FAM186A: variants seen among roughly 807,000 people sequenced by gnomAD.
FAM186A encodes family with sequence similarity 186 member A, also known as protein FAM186A.
Under a neutral mutation model 216.8 loss-of-function variants are expected in FAM186A, and 163 were observed. That is an observed-to-expected ratio of 0.75 (90% CI 0.66 to 0.86). The LOEUF is 0.86. Ranked by LOEUF, FAM186A falls within the 40% of genes least tolerant of loss-of-function variation. FAM186A has a pLI of 0.00. For synonymous variants in FAM186A, 805 were observed against 1,025.3 expected, an observed-to-expected ratio of 0.79 and a Z score of 4.10; for missense variants, 2,184 against 2,746.2, an observed-to-expected ratio of 0.80 and a Z score of 4.58.
At chr12:50,338,649 A>C (rs575788982) in intron 4 of FAM186A, among the ~76,000 whole-genome samples, 34 of 152,328 alleles carry the variant, frequency 2.2e-4, no homozygotes, top group South Asian at 1.7e-3. Context: ...AAATATAAAA[A>C]CCATTACAGT....
intron 1 of FAM186A, among the ~76,000 whole-genome samples, chr12:50,388,824 G>A (rs1009591396): frequency 6.6e-6 from 1 of 151,996 alleles, no homozygotes; most frequent in African/African-American, 2.4e-5. Context: ...AGGTCGAAGC[G>A]AGCAGATCAC....
At chr12:50,333,781 T>C in intron 5 of FAM186A, 130 bp downstream of exon 5, 5 of 868,998 alleles carry the variant, frequency 5.8e-6, no homozygotes, top group Non-Finnish European at 8.6e-6. Context: ...GCTATGAAGT[T>C]TGTGGTAATT....
In FAM186A at chr12:50,336,707, TG is replaced by T. The variant is rs1275434779; in HGVS notation, c.6504-2605del. Among the ~76,000 whole-genome samples the T allele has an allele frequency of 3.3e-5, 5 of 152,202 alleles. No homozygotes were observed. The South Asian group carries it at 6.2e-4, about 19-fold the overall frequency. On this transcript the variant is annotated intron_variant, in intron 4 of 7. Transcript: ENST00000327337. ...TATATTTTGAGAGTGATGAGTAGTC[TG>T]GGGTTTTTGACCACAGATATGTGAA... is the stretch of plus-strand genomic sequence containing the variant.
chr12:50,332,182 T>C (rs7310541), intron 5 of FAM186A, among the ~76,000 whole-genome samples: 61,219 of 152,148 alleles, frequency 0.4, 13,867 homozygotes, highest in African/African-American at 0.61. Flanking sequence ...TAAATTGTGA[T>C]GCAGTATGCA....
intron 7 of FAM186A, 71 bp downstream of exon 7, chr12:50,330,502 G>A: frequency 6.8e-7 from 1 of 1,479,118 alleles, no homozygotes; most frequent in Non-Finnish European, 9.1e-7. Context: ...ACAGGAGAAA[G>A]TCAAGTTAGG....
At chr12:50,382,917 A>T (rs1440252031) in intron 1 of FAM186A, among the ~76,000 whole-genome samples, 1 of 152,036 alleles carries the variant, frequency 6.6e-6, no homozygotes, top group African/African-American at 2.4e-5. Flanking sequence ...AAGACTGCTG[A>T]GGAGTTATTT....
chr12:50,372,020 C>A (rs939089750), intron 1 of FAM186A, among the ~76,000 whole-genome samples: 1 of 151,956 alleles, frequency 6.6e-6, no homozygotes, highest in Admixed American at 6.6e-5. Context: ...CCATGTTGGT[C>A]AGGCTGGTCT....
In FAM186A at chr12:50,346,232, A is replaced by G. The variant is rs918009811; in HGVS notation, c.6503+4097T>C. 4.8e-3 allele frequency among the ~76,000 whole-genome samples: 650 copies of G among 135,132 alleles called. 25 individuals are homozygous for G. Among genetic ancestry groups the G allele is most frequent in the Non-Finnish European group, 7.7e-3 (479 of 62,512 alleles). 88.7% of individuals were successfully genotyped at this position (135,132 alleles called of 152,430 possible). On this transcript the variant is annotated intron_variant, in intron 4 of 7. Coordinates refer to ENST00000327337, the MANE Select transcript of FAM186A (RefSeq NM_001145475.3). ...GAGAGAGAGAGAAGGAAAGAAAGAAAGAAAAAAAGAAAGAAAGAAAGAAAG... is the reference window on the plus strand; with the variant it reads ...GAGAGAGAGAGAAGGAAAGAAAGAAGGAAAAAAAGAAAGAAAGAAAGAAAG...
intron 4 of FAM186A, among the ~76,000 whole-genome samples, chr12:50,338,515 A>C (rs1942733130): frequency 6.6e-6 from 1 of 152,184 alleles, no homozygotes; most frequent in Non-Finnish European, 1.5e-5. Context: ...CCATTATTTG[A>C]AGTAAATATT....
chr12:50,396,592 G>C lies in FAM186A; in HGVS notation c.-108C>G. 2.7e-6 allele frequency: 3 copies of C among 1,124,224 alleles called. No homozygotes were observed. Among genetic ancestry groups the C allele is most frequent in the Non-Finnish European group, 3.7e-6 (3 of 808,072 alleles). The allele number at this position is 1,124,224 out of a possible 1,614,324, so 69.6% of individuals were successfully genotyped here. A position where few individuals can be genotyped will look rare whatever the true frequency, so the allele number is the denominator to read the frequency against. ...CTAGGAGAGGTCTTTCCTGATCCTA[G>C]AAGTTGTGGCATACTCTGCTACTAA... On this transcript the variant is annotated 5_prime_UTR_variant, in exon 1 of 8. Transcript: ENST00000327337.
intron 4 of FAM186A, among the ~76,000 whole-genome samples, chr12:50,342,821 C>T (rs539539107): frequency 3.3e-5 from 5 of 151,118 alleles, no homozygotes; most frequent in African/African-American, 1.2e-4. Context: ...GGGTGGAGTG[C>T]AGTGGCACAA....
In FAM186A at chr12:50,334,007, G is replaced by A. The variant is rs1008240433; in HGVS notation, c.6600C>T (p.Tyr2200=). Residue 2200 remains tyrosine (Y), a synonymous_variant, in exon 5 of 8, where the codon TAC becomes TAT. Coordinates refer to ENST00000327337, the MANE Select transcript of FAM186A (RefSeq NM_001145475.3). ...LHMMLSRLDD[Y]GKKVMQVWTE... is the part of the protein sequence containing the mutation. ...TCCAGACCTGCATCACCTTTTTCCCGTAGTCATCAAGTCTGCTCAGCATCA... is the reference window on the plus strand; with the variant it reads ...TCCAGACCTGCATCACCTTTTTCCCATAGTCATCAAGTCTGCTCAGCATCA... The A allele has an allele frequency of 1.7e-5, 26 of 1,551,446 alleles. No homozygotes were observed. Among genetic ancestry groups the A allele is most frequent in the African/African-American group, 9.6e-5 (7 of 73,002 alleles).
intron 5 of FAM186A, among the ~76,000 whole-genome samples, chr12:50,333,403 G>C (rs1942675572): frequency 1.3e-5 from 2 of 151,928 alleles, no homozygotes; most frequent in South Asian, 4.2e-4. Flanking sequence ...ATGGTGGTGG[G>C]CGCCTGTAAT....
chr12:50,339,039 G>A lies in FAM186A; in HGVS notation c.6504-4936C>T, dbSNP rs537538251. On this transcript the variant is annotated intron_variant, in intron 4 of 7. Coordinates refer to ENST00000327337, the MANE Select transcript of FAM186A (RefSeq NM_001145475.3). The stretch of plus-strand genomic sequence containing the variant: ...TGTAGTAATTTTTTTTTTTGAGACA[G>A]GGTCTCACTGTGTTGCCCAGGCTGG... Among the ~76,000 whole-genome samples, 5 of 151,476 alleles carry A rather than the reference G, an allele frequency of 3.3e-5. No individual in the cohort carries two copies. In the South Asian group the frequency reaches 6.3e-4, roughly 19 times the overall value.
At chr12:50,364,286 G>A (rs940797828) in intron 1 of FAM186A, among the ~76,000 whole-genome samples, 6 of 152,172 alleles carry the variant, frequency 3.9e-5, no homozygotes, top group Non-Finnish European at 8.8e-5. Context: ...TGGGTGCGGT[G>A]GCTCACGCCT....
At chr12:50,337,907 C>T (rs1233112811) in intron 4 of FAM186A, among the ~76,000 whole-genome samples, 1 of 115,750 alleles carries the variant, frequency 8.6e-6, no homozygotes, top group Non-Finnish European at 1.9e-5. Flanking sequence ...AACAAACAAA[C>T]AAACAAATAA....
intron 4 of FAM186A, among the ~76,000 whole-genome samples, chr12:50,349,001 C>G (rs973273882): frequency 7.2e-5 from 11 of 152,062 alleles, no homozygotes; most frequent in Admixed American, 2.6e-4. Context: ...TCCATTGCAT[C>G]AAGCATTTAT....
At chr12:50,373,173 C>A (rs946980128) in intron 1 of FAM186A, among the ~76,000 whole-genome samples, 1 of 151,968 alleles carries the variant, frequency 6.6e-6, no homozygotes. Flanking sequence ...CCGAGGTGGG[C>A]ATATCACGAG....
At chr12:50,357,613 C>T (rs192961669) in intron 3 of FAM186A, among the ~76,000 whole-genome samples, 1 of 152,120 alleles carries the variant, frequency 6.6e-6, no homozygotes, top group East Asian at 1.9e-4. Context: ...GCAAAACTGC[C>T]AAAACAACTA....
Sources: allele counts gnomAD v4.1 joint callset (sites outside exome capture counted in the v4.1 genomes callset), GRCh38; gene constraint gnomAD v4.1.1; transcripts MANE v1.5; gene names NCBI Gene and HGNC (gene_info 2026-07-23, HGNC 2026-07-21).